INSL6: variants seen among roughly 807,000 people sequenced by gnomAD.
The protein encoded by INSL6 is insulin like 6, also known as insulin-like peptide INSL6.
INSL6 carries 16 observed loss-of-function variants against 9.4 expected under a neutral mutation model. That is an observed-to-expected ratio of 1.70 (90% CI 1.15 to 2.59). The LOEUF is 2.59. Among genes scored for constraint, INSL6 ranks in the 30% most tolerant of loss-of-function variants. The probability of loss-of-function intolerance (pLI) is 0.00; values close to 1 mark genes in which losing one functional copy is unlikely to be tolerated. For missense variants in INSL6, 391 were observed against 257.3 expected (o/e 1.52, Z -3.56); for synonymous variants, 154 against 96.9 (o/e 1.59, Z -3.46).
At chr9:5,152,340 A>C (rs926599793) in intron 2 of INSL6, among the ~76,000 whole-genome samples, 1 of 152,220 alleles carries the variant, frequency 6.6e-6, no homozygotes, top group African/African-American at 2.4e-5. Context: ...ACATAAAACA[A>C]TTCTCAAGAA....
At chr9:5,168,742 A>G (rs140666049) in intron 1 of INSL6, among the ~76,000 whole-genome samples, 27 of 152,244 alleles carry the variant, frequency 1.8e-4, no homozygotes, top group Middle Eastern at 3.4e-3. Flanking sequence ...CCCCAATAAG[A>G]TACTTCATGA....
chr9:5,021,227 G>A, the INSL6 span, among the ~76,000 whole-genome samples: 6 of 152,038 alleles, frequency 3.9e-5, no homozygotes, highest in Non-Finnish European at 5.9e-5. Context: ...TTGAATTTCC[G>A]TGTTCTCTCT....
At chr9:5,056,574 C>T in the INSL6 span, among the ~76,000 whole-genome samples, 2 of 152,064 alleles carry the variant, frequency 1.3e-5, no homozygotes, top group East Asian at 1.9e-4. Flanking sequence ...TGATAGTACA[C>T]CTACTGCCTA....
intron 2 of INSL6, among the ~76,000 whole-genome samples, chr9:5,145,893 C>G (rs1824593410): frequency 6.6e-6 from 1 of 152,120 alleles, no homozygotes; most frequent in African/African-American, 2.4e-5. Context: ...ACAATATACT[C>G]CTGTGGCTCA....
the INSL6 span, chr9:5,065,131 A>C: frequency 2.7e-6 from 2 of 746,746 alleles, no homozygotes; most frequent in African/African-American, 1.8e-5. Context: ...GTATGTTTAG[A>C]AAAAAATAAT....
chr9:5,116,755 G>A, the INSL6 span, among the ~76,000 whole-genome samples: 1 of 152,168 alleles, frequency 6.6e-6, no homozygotes, highest in African/African-American at 2.4e-5. Flanking sequence ...GAACTAAAAG[G>A]AAAAGTTTGA....
At chr9:5,071,791 T>C in the INSL6 span, among the ~76,000 whole-genome samples, 4 of 152,166 alleles carry the variant, frequency 2.6e-5, no homozygotes, top group African/African-American at 7.2e-5. Context: ...GCCAGGTAAC[T>C]TGACTAACAT....
chr9:5,054,945 A>G, the INSL6 span: 1 of 1,261,990 alleles, frequency 7.9e-7, no homozygotes, highest in Non-Finnish European at 1.1e-6. The surrounding 1 kb of genome is among the most constrained non-coding windows in gnomAD (Gnocchi z 4.9). Flanking sequence ...AATAAAAACA[A>G]AGTAATTTTA....
chr9:5,163,470 G>A (rs1040692323), downstream of INSL6, among the ~76,000 whole-genome samples: 3 of 152,136 alleles, frequency 2.0e-5, no homozygotes, highest in Admixed American at 2.0e-4. Context: ...CAGCACAAGG[G>A]CTTCTACCAG....
At chr9:4,993,269 A>G in the INSL6 span, among the ~76,000 whole-genome samples, 1 of 152,220 alleles carries the variant, frequency 6.6e-6, no homozygotes. Context: ...AGGATCTATG[A>G]GGTACTGATT....
At position 5,164,189 on chromosome 9, in the gene INSL6, A is replaced by C. The variant is rs1424390942; in HGVS notation, c.366T>G (p.Tyr122Ter). Residue 122 changes from tyrosine (Y) to a stop codon, truncating the protein, a stop_gained, in exon 2 of 2, where the codon TAT (tyrosine) becomes TAG (stop). Transcript: ENST00000381641. LOFTEE classifies it low-confidence loss of function (END_TRUNC). ...ATTCTCTTGTCTTACCAAGGGGTGA[A>C]TATCCCTTTTTATCCTTATACTCAG... ...SLPEYKDKKG[Y>*]SPLGKTREFS... 1 of 1,607,178 alleles carries C rather than the reference A, an allele frequency of 6.2e-7. No homozygotes were observed. The highest frequency in any genetic ancestry group is 1.7e-5 in the Admixed American group (1 of 59,028).
chr9:5,010,477 T>A, the INSL6 span, among the ~76,000 whole-genome samples: 427 of 152,148 alleles, frequency 2.8e-3, no homozygotes, highest in African/African-American at 9.9e-3. Context: ...TGTACCACTA[T>A]GCCCGGCTAA....
intron 3 of INSL6, chr9:5,125,884 A>G (rs1823957583): frequency 1.3e-5 from 2 of 151,940 alleles, no homozygotes. Flanking sequence ...AATGATGTTT[A>G]AGTATTTTCC....
chr9:5,174,535 CCTTTA>C (rs1420068528), intron 1 of INSL6, among the ~76,000 whole-genome samples: 1 of 152,136 alleles, frequency 6.6e-6, no homozygotes, highest in Non-Finnish European at 1.5e-5. Context: ...TTTTCTGTTT[CCTTTA>C]CAAGTTCTCA....
chr9:5,117,331 T>A, the INSL6 span, among the ~76,000 whole-genome samples: 1 of 152,226 alleles, frequency 6.6e-6, no homozygotes, highest in Non-Finnish European at 1.5e-5. Context: ...GGTGGGAAAT[T>A]AGAGGCTTTA....
chr9:5,112,675 C>A, the INSL6 span: 1 of 941,776 alleles, frequency 1.1e-6, no homozygotes, highest in Non-Finnish European at 1.5e-6. Context: ...ACCAGGCCGT[C>A]TCGGTCATCC....
intron 1 of INSL6, among the ~76,000 whole-genome samples, chr9:5,180,290 G>C (rs1231083908): frequency 1.3e-5 from 2 of 152,142 alleles, no homozygotes; most frequent in African/African-American, 4.8e-5. Context: ...TGTAAAACGT[G>C]TGTTTGAACA....
chr9:5,077,702 CTG>C, the INSL6 span: 5 of 548,972 alleles, frequency 9.1e-6, no homozygotes, highest in East Asian at 1.5e-4. Flanking sequence ...GTAAAATAGT[CTG>C]TGTTAGGTGA....
At chr9:5,125,364 T>C (rs1390447109) in intron 3 of INSL6, among the ~76,000 whole-genome samples, 1 of 151,384 alleles carries the variant, frequency 6.6e-6, no homozygotes, top group Non-Finnish European at 1.5e-5. Context: ...AAAAATGTAC[T>C]GCAAATATGT....
Sources: gnomAD v4.1 joint callset for allele counts (sites outside exome capture counted in the v4.1 genomes callset) on GRCh38, gnomAD v4.1.1 for gene constraint, Gnocchi (gnomAD v3.1) non-coding constraint, MANE v1.5 for transcripts, NCBI Gene and HGNC (gene_info 2026-07-23, HGNC 2026-07-21) for gene names.